THRB: variants seen among roughly 807,000 people sequenced by gnomAD.
THRB encodes nuclear receptor subfamily 1 group A member 2.
Under a neutral mutation model 47.8 loss-of-function variants are expected in THRB, and 12 were observed. That is an observed-to-expected ratio of 0.25 (90% CI 0.16 to 0.41). The LOEUF is 0.41. Ranked by LOEUF, THRB falls within the 10% of genes least tolerant of loss-of-function variation. The pLI is 1.00. For synonymous variants in THRB, 218 were observed against 212.2 expected, an observed-to-expected ratio of 1.03 and a Z score of -0.24; for missense variants, 348 against 589.2, an observed-to-expected ratio of 0.59 and a Z score of 4.24.
chr3:24,394,835 G>A (rs1320158463), intron 1 of THRB, among the ~76,000 whole-genome samples: 1 of 152,060 alleles, frequency 6.6e-6, no homozygotes, highest in Non-Finnish European at 1.5e-5. Flanking sequence ...GTGTCCCCCT[G>A]CAAGCAGAGA....
intron 5 of THRB, among the ~76,000 whole-genome samples, chr3:24,171,649 G>C (rs557263723): frequency 1.3e-5 from 2 of 152,152 alleles, no homozygotes; most frequent in African/African-American, 4.8e-5. Flanking sequence ...TTCCCACCTG[G>C]GCCTAGTGTT....
chr3:24,257,036 T>A (rs1407017661), intron 3 of THRB, among the ~76,000 whole-genome samples: 1 of 152,204 alleles, frequency 6.6e-6, no homozygotes, highest in Non-Finnish European at 1.5e-5. Context: ...TCGGTTGTGA[T>A]AGCTGTAACT....
At chr3:24,203,024 T>C (rs1450870159) in intron 4 of THRB, among the ~76,000 whole-genome samples, 1 of 152,224 alleles carries the variant, frequency 6.6e-6, no homozygotes, top group Non-Finnish European at 1.5e-5. Flanking sequence ...TCGGCAGGAC[T>C]ATTGCTTTGA....
chr3:24,260,630 T>G (rs1207355035), intron 3 of THRB, among the ~76,000 whole-genome samples: 1 of 152,150 alleles, frequency 6.6e-6, no homozygotes, highest in African/African-American at 2.4e-5. Flanking sequence ...TGAACTCAGG[T>G]GCGCACTAAA....
rs1269849818 is a variant in THRB, at chr3:24,118,312, T to C, written c.*4572A>G. The C allele has an allele frequency of 6.6e-6, 1 of 152,644 alleles. No homozygotes were observed. The highest frequency in any genetic ancestry group is 1.5e-5 in the Non-Finnish European group (1 of 68,040). 9.5% of individuals were successfully genotyped at this position (152,644 alleles called of 1,614,324 possible). A position where few individuals can be genotyped will look rare whatever the true frequency, so the allele number is the denominator to read the frequency against. On this transcript the variant is annotated 3_prime_UTR_variant, in exon 11 of 11. Transcript: ENST00000646209. ...GTTTTATATCTGCATACAAAAGCTA[T>C]GTAAAAATCCATTTTTCCCAAATAT...
rs13063628 is a variant in THRB, at chr3:24,127,490, C to T, written c.1144+9G>A. ...TTGGATGCCCACTAACGAGTCTAGG[C>T]GTACTCACCTGAAGACATCAGCAGG... is the stretch of plus-strand genomic sequence containing the variant. On this transcript the variant is annotated intron_variant, in intron 10 of 10. Coordinates refer to ENST00000646209, the MANE Select transcript of THRB (RefSeq NM_001354712.2). 0.13 allele frequency: 212,086 copies of T among 1,613,632 alleles called. 15,393 individuals are homozygous for T. The highest frequency in any genetic ancestry group is 0.15 in the Non-Finnish European group (173,571 of 1,179,648).
chr3:24,411,868 A>G (rs1316423903), intron 1 of THRB, among the ~76,000 whole-genome samples: 1 of 151,790 alleles, frequency 6.6e-6, no homozygotes, highest in East Asian at 2.0e-4. Flanking sequence ...GATCTAAATA[A>G]CCAAATCAGA....
intron 4 of THRB, among the ~76,000 whole-genome samples, chr3:24,223,068 T>A (rs1231362723): frequency 6.6e-6 from 1 of 152,192 alleles, no homozygotes; most frequent in Non-Finnish European, 1.5e-5. Context: ...TTCTGCATCG[T>A]TGCTCTCCTT....
At chr3:24,313,767 T>C (rs2057919284) in intron 2 of THRB, among the ~76,000 whole-genome samples, 1 of 151,956 alleles carries the variant, frequency 6.6e-6, no homozygotes, top group Non-Finnish European at 1.5e-5. Flanking sequence ...CACTGTTCAT[T>C]CACAGTTTGG....
chr3:24,400,874 A>G (rs186682702), intron 1 of THRB, among the ~76,000 whole-genome samples: 8 of 152,208 alleles, frequency 5.3e-5, no homozygotes, highest in Non-Finnish European at 2.9e-5. Context: ...TGCAAGTCCA[A>G]CACTTTCCAC....
At chr3:24,228,028 A>G (rs1480246231) in intron 4 of THRB, among the ~76,000 whole-genome samples, 1 of 152,170 alleles carries the variant, frequency 6.6e-6, no homozygotes, top group Non-Finnish European at 1.5e-5. Flanking sequence ...TAAAATCCGA[A>G]TTTCCAACTT....
chr3:24,125,355 A>G (rs2032553139), intron 10 of THRB, among the ~76,000 whole-genome samples: 1 of 152,200 alleles, frequency 6.6e-6, no homozygotes, highest in Non-Finnish European at 1.5e-5. Context: ...TCCTTGCCTT[A>G]TTTGGAAGGA....
chr3:24,284,893 C>CA (rs556162873), intron 3 of THRB, among the ~76,000 whole-genome samples: 242 of 152,300 alleles, frequency 1.6e-3, no homozygotes, highest in Non-Finnish European at 2.3e-3. Flanking sequence ...TACCATTTCA[C>CA]ACCAGTTAGA....
intron 1 of THRB, among the ~76,000 whole-genome samples, chr3:24,475,984 A>T (rs1437479701): frequency 6.6e-6 from 1 of 152,244 alleles, no homozygotes; most frequent in Non-Finnish European, 1.5e-5. Flanking sequence ...CCTGAAGATC[A>T]GGAAAGAGCC....
At chr3:24,238,834 T>C (rs895288571) in intron 3 of THRB, among the ~76,000 whole-genome samples, 4 of 152,132 alleles carry the variant, frequency 2.6e-5, no homozygotes, top group African/African-American at 9.7e-5. Flanking sequence ...AATATAACTG[T>C]TTACTACTTC....
intron 1 of THRB, among the ~76,000 whole-genome samples, chr3:24,389,269 C>T (rs2066371321): frequency 6.6e-6 from 1 of 152,122 alleles, no homozygotes; most frequent in African/African-American, 2.4e-5. Context: ...GAGAACTTAG[C>T]AATGCAGAGC....
intron 3 of THRB, among the ~76,000 whole-genome samples, chr3:24,273,563 C>T (rs1463836318): frequency 6.6e-6 from 1 of 152,154 alleles, no homozygotes; most frequent in Non-Finnish European, 1.5e-5. Flanking sequence ...GCTTTAATCT[C>T]AAAATCCTAA....
chr3:24,401,792 T>C (rs1362047951), intron 1 of THRB, among the ~76,000 whole-genome samples: 2 of 152,014 alleles, frequency 1.3e-5, no homozygotes, highest in Non-Finnish European at 2.9e-5. Context: ...TGCAGATTTC[T>C]GGCTCCTTGT....
chr3:24,230,261 G>A (rs530099838), intron 3 of THRB, among the ~76,000 whole-genome samples: 29 of 152,250 alleles, frequency 1.9e-4, no homozygotes, highest in African/African-American at 4.3e-4. Context: ...ATGTTTACAC[G>A]GCTGCCTTTC....
Sources: gnomAD v4.1 joint callset for allele counts (sites outside exome capture counted in the v4.1 genomes callset) on GRCh38, gnomAD v4.1.1 for gene constraint, MANE v1.5 for transcripts, NCBI Gene and HGNC (gene_info 2026-07-23, HGNC 2026-07-21) for gene names.